Variants in RAPH1 observed in about 807,000 individuals in gnomAD.
RAPH1 encodes the protein Ras association (RalGDS/AF-6) and pleckstrin homology domains 1.
Under a neutral mutation model 88.1 loss-of-function variants are expected in RAPH1, and 18 were observed. The ratio of observed to expected loss-of-function variants is 0.20; its 90% confidence interval spans 0.14 to 0.30. The LOEUF is 0.30. Ranked by LOEUF, RAPH1 falls within the 10% of genes least tolerant of loss-of-function variation. The probability of loss-of-function intolerance (pLI) is 1.00; values close to 1 mark genes in which losing one functional copy is unlikely to be tolerated. For synonymous variants in RAPH1, 587 were observed against 559.0 expected, an observed-to-expected ratio of 1.05 and a Z score of -0.71; for missense variants, 1,448 against 1,543.2, an observed-to-expected ratio of 0.94 and a Z score of 1.03.
chr2:203,464,097 A>C (rs1054244470), intron 4 of RAPH1, among the ~76,000 whole-genome samples: 1 of 152,314 alleles, frequency 6.6e-6, no homozygotes, highest in East Asian at 1.9e-4. Flanking sequence ...TAATGATCTT[A>C]TTATGTTCCT....
Position 203,439,119 on chromosome 2 carries a change from G to A in RAPH1, c.*318C>T, listed in dbSNP as rs1031713577. 2 of 259,062 alleles carry A rather than the reference G, an allele frequency of 7.7e-6. No homozygotes were observed. Among genetic ancestry groups the A allele is most frequent in the South Asian group, 9.2e-5 (1 of 10,854 alleles). 16.0% of individuals were successfully genotyped at this position (259,062 alleles called of 1,614,324 possible). A position where few individuals can be genotyped will look rare whatever the true frequency, so the allele number is the denominator to read the frequency against. On this transcript the variant is annotated 3_prime_UTR_variant, in exon 14 of 14. Coordinates refer to ENST00000319170, the MANE Select transcript of RAPH1 (RefSeq NM_213589.3). ...TCCACATGATATAGAAATCTTAAGA[G>A]ACAACACACATCCCCTTCTATGCCT...
intron 2 of RAPH1, among the ~76,000 whole-genome samples, chr2:203,493,262 G>GC (rs1688353575): frequency 1.3e-5 from 2 of 152,160 alleles, no homozygotes; most frequent in Non-Finnish European, 2.9e-5. Context: ...ACAGGGGAAA[G>GC]TACAAGGTAT....
intron 1 of RAPH1, among the ~76,000 whole-genome samples, chr2:203,533,882 T>C (rs1213200892): frequency 6.6e-6 from 1 of 152,028 alleles, no homozygotes; most frequent in Non-Finnish European, 1.5e-5. Context: ...ACAGGTGGTG[T>C]TATTCCCATT....
chr2:203,447,181 C>CTTTTTT (rs1161851720), intron 12 of RAPH1: 3 of 128,032 alleles, frequency 2.3e-5, no homozygotes, highest in Non-Finnish European at 4.9e-5. Flanking sequence ...TCTTTTCTTT[C>CTTTTTT]TTTTTTTTTT....
chr2:203,507,346 A>G (rs887963367), intron 1 of RAPH1, among the ~76,000 whole-genome samples: 1 of 152,236 alleles, frequency 6.6e-6, no homozygotes, highest in African/African-American at 2.4e-5. Flanking sequence ...ATTTATTTTA[A>G]AAGTAATTTA....
Position 203,505,562 on chromosome 2 carries a change from G to A in RAPH1, c.1-10209C>T, listed in dbSNP as rs187461055. Among the ~76,000 whole-genome samples the A allele has an allele frequency of 1.7e-3, 262 of 152,072 alleles. 6 individuals are homozygous for A. The highest frequency in any genetic ancestry group is 0.017 in the Admixed American group (260 of 15,246). ...GTGGAAAAATACAATTTAGTTCAAC[G>A]CTCTACAAAGAAACCCCTAACATCC... On this transcript the variant is annotated intron_variant, in intron 1 of 13. Coordinates refer to ENST00000319170, the MANE Select transcript of RAPH1 (RefSeq NM_213589.3).
chr2:203,503,512 A>G (rs750180563), intron 1 of RAPH1, among the ~76,000 whole-genome samples: 1 of 152,106 alleles, frequency 6.6e-6, no homozygotes, highest in Non-Finnish European at 1.5e-5. Flanking sequence ...AGATTCAATT[A>G]TCTCCCCCTG....
At chr2:203,446,805 G>A (rs2153635957) in intron 12 of RAPH1, 1 of 151,930 alleles carries the variant, frequency 6.6e-6, no homozygotes, top group African/African-American at 2.4e-5. Context: ...GCACAGTGGT[G>A]TGATTATAGC....
At chr2:203,481,014 C>T (rs1429162707) in intron 4 of RAPH1, among the ~76,000 whole-genome samples, 1 of 152,080 alleles carries the variant, frequency 6.6e-6, no homozygotes, top group African/African-American at 2.4e-5. Context: ...AACCTGCCAG[C>T]CCTCATCTTA....
At position 203,439,696 on chromosome 2, in the gene RAPH1, A is replaced by G; in HGVS notation, c.3494T>C (p.Phe1165Ser). ...PKSSLSVQPG[F>S]LADLNRTLQR... Reference sequence around the variant, plus strand: ...CAGTGTCCTGTTGAGGTCAGCCAGGAATCCAGGCTGGACACTAAGGCTGGA... The same window carrying G: ...CAGTGTCCTGTTGAGGTCAGCCAGGGATCCAGGCTGGACACTAAGGCTGGA... The change falls in exon 14 of 14, where the codon TTC becomes TCC. Residue 1165 changes from phenylalanine (F) to serine (S), a missense_variant. By Grantham distance (155) the Phe-to-Ser change is radical. This residue lies in a region of RAPH1 where 935 missense variants were observed against 890.1 expected (regional missense o/e 1.05). Transcript: ENST00000319170. 2.5e-6 allele frequency: 4 copies of G among 1,614,124 alleles called. No individual in the cohort carries two copies. Among genetic ancestry groups the G allele is most frequent in the Non-Finnish European group, 3.4e-6 (4 of 1,180,012 alleles).
Position 203,489,511 on chromosome 2 carries a change from T to C in RAPH1, c.732+73A>G. The C allele has an allele frequency of 2.7e-6, 3 of 1,118,200 alleles. No homozygotes were observed. The South Asian group carries it at 8.1e-5, about 30-fold the overall frequency. The allele number at this position is 1,118,200 out of a possible 1,614,324, so 69.3% of individuals were successfully genotyped here. ...AATGTAGAAGAATTTAAGAAGTTAATTAAAATTATTTTAATATAATTTCTC... is the reference window on the plus strand; with the variant it reads ...AATGTAGAAGAATTTAAGAAGTTAACTAAAATTATTTTAATATAATTTCTC... On this transcript the variant is annotated intron_variant, in intron 4 of 13. Coordinates refer to ENST00000319170, the MANE Select transcript of RAPH1 (RefSeq NM_213589.3).
intron 2 of RAPH1, 144 bp downstream of exon 2, chr2:203,495,090 C>T: frequency 1.2e-6 from 1 of 818,122 alleles, no homozygotes; most frequent in Non-Finnish European, 1.9e-6. Context: ...AGAATGACTT[C>T]ATTTACTTGT....
intron 4 of RAPH1, among the ~76,000 whole-genome samples, chr2:203,475,457 A>C (rs1687375136): frequency 6.6e-6 from 1 of 152,192 alleles, no homozygotes. Context: ...ACACTGTAAA[A>C]AAAATCAGAT....
At chr2:203,505,867 G>C (rs1241711297) in intron 1 of RAPH1, among the ~76,000 whole-genome samples, 1 of 152,116 alleles carries the variant, frequency 6.6e-6, no homozygotes, top group Non-Finnish European at 1.5e-5. Context: ...ACACACGGCT[G>C]CTCCACACTT....
At chr2:203,503,796 T>C (rs1406086309) in intron 1 of RAPH1, among the ~76,000 whole-genome samples, 1 of 152,072 alleles carries the variant, frequency 6.6e-6, no homozygotes, top group African/African-American at 2.4e-5. Flanking sequence ...CCAGATACAA[T>C]GGGGGTACAG....
At chr2:203,441,762 C>A in intron 13 of RAPH1, 1 of 1,278,186 alleles carries the variant, frequency 7.8e-7, no homozygotes, top group Middle Eastern at 3.0e-4. Context: ...TACATGGAAC[C>A]CTCTGTGGCG....
Position 203,528,526 on chromosome 2 carries a change from ACTT to A in RAPH1, c.-1+6582_-1+6584del, listed in dbSNP as rs200278800. ...TAATAGAAAGTACAGCCGAAGAGGC[ACTT>A]CTTCTTTTTGGATATATGTTCCTAC... On this transcript the variant is annotated intron_variant, in intron 1 of 13. Coordinates refer to ENST00000319170, the MANE Select transcript of RAPH1 (RefSeq NM_213589.3). Among the ~76,000 whole-genome samples, 1,163 of 152,332 alleles carry A rather than the reference ACTT, an allele frequency of 7.6e-3. 8 individuals are homozygous for A. Among genetic ancestry groups the A allele is most frequent in the Middle Eastern group, 0.017 (5 of 294 alleles).
intron 1 of RAPH1, among the ~76,000 whole-genome samples, chr2:203,505,199 C>T (rs1023266739): frequency 2.0e-5 from 3 of 152,134 alleles, no homozygotes; most frequent in African/African-American, 7.2e-5. Flanking sequence ...CATTTTCAGG[C>T]TGCTGATGAA....
chr2:203,454,425 T>C lies in RAPH1; in HGVS notation c.1413+5A>G. The C allele has an allele frequency of 1.3e-6, 2 of 1,589,366 alleles. No homozygotes were observed. The highest frequency in any genetic ancestry group is 8.6e-7 in the Non-Finnish European group (1 of 1,160,742). On this transcript the variant is annotated splice_donor_5th_base_variant and intron_variant, in intron 10 of 13. Coordinates refer to ENST00000319170, the MANE Select transcript of RAPH1 (RefSeq NM_213589.3). Reference sequence around the variant, plus strand: ...TAAAATTCCTAAAAAGAAATATGTGTTTACCTTCAGCACCAGACAATAGTC... The same window carrying C: ...TAAAATTCCTAAAAAGAAATATGTGCTTACCTTCAGCACCAGACAATAGTC...
Sources: gnomAD v4.1 joint callset for allele counts (sites outside exome capture counted in the v4.1 genomes callset) on GRCh38, gnomAD v4.1.1 for gene constraint, gnomAD v4.1.1 regional missense constraint, MANE v1.5 for transcripts, NCBI Gene and HGNC (gene_info 2026-07-23, HGNC 2026-07-21) for gene names.